The following CEP112 variants were observed in gnomAD, a reference collection of about 807,000 sequenced individuals.
CEP112 encodes the protein centrosomal protein of 112 kDa.
In CEP112, 127 loss-of-function variants were observed where a neutral mutation model predicts 153.0. That is an observed-to-expected ratio of 0.83 (90% CI 0.72 to 0.96). The LOEUF (loss-of-function observed/expected upper bound fraction) is 0.96, where lower values mean the gene tolerates loss of function less well. Among genes scored for constraint, CEP112 ranks in the 40% least tolerant of loss-of-function variants. CEP112 has a pLI of 0.00. For synonymous variants in CEP112, 358 were observed against 374.4 expected (o/e 0.96, Z 0.51); for missense variants, 1,089 against 1,101.2 (o/e 0.99, Z 0.16).
At chr17:66,079,797 G>A (rs2146161199) in intron 8 of CEP112, among the ~76,000 whole-genome samples, 1 of 152,172 alleles carries the variant, frequency 6.6e-6, no homozygotes, top group South Asian at 2.1e-4. Flanking sequence ...CATGTTCCTG[G>A]TACCAAAACA....
intron 24 of CEP112, among the ~76,000 whole-genome samples, chr17:65,678,356 A>G (rs1416000803): frequency 6.6e-6 from 1 of 152,036 alleles, no homozygotes; most frequent in Non-Finnish European, 1.5e-5. Context: ...TTGCCCACCA[A>G]TTTTAAAAGG....
At position 66,077,320 on chromosome 17, in the gene CEP112, G is replaced by A. The variant is rs188084276; in HGVS notation, c.769-7319C>T. ...CCAAAAAAACGATACAAGAAGTGAAGGGAGAAATATTTAAGGAAATAGATA... is the reference window on the plus strand; with the variant it reads ...CCAAAAAAACGATACAAGAAGTGAAAGGAGAAATATTTAAGGAAATAGATA... On this transcript the variant is annotated intron_variant, in intron 8 of 26. Coordinates refer to ENST00000535342, the MANE Select transcript of CEP112 (RefSeq NM_001199165.4). Among the ~76,000 whole-genome samples, 176 of 152,162 alleles carry A rather than the reference G, an allele frequency of 1.2e-3. 1 individual carries two copies. Among genetic ancestry groups the A allele is most frequent in the African/African-American group, 3.9e-3 (164 of 41,532 alleles).
intron 8 of CEP112, among the ~76,000 whole-genome samples, chr17:66,093,836 A>G (rs1439874063): frequency 6.6e-6 from 1 of 152,172 alleles, no homozygotes; most frequent in Non-Finnish European, 1.5e-5. Flanking sequence ...CCTAAAATTT[A>G]TATGAAACTA....
intron 24 of CEP112, among the ~76,000 whole-genome samples, chr17:65,658,557 G>A (rs1447057922): frequency 1.3e-5 from 2 of 152,166 alleles, no homozygotes; most frequent in Non-Finnish European, 2.9e-5. Flanking sequence ...CAGGACACAA[G>A]GTATGTTTGG....
chr17:65,893,899 G>T (rs142765131), intron 20 of CEP112, among the ~76,000 whole-genome samples: 138 of 152,104 alleles, frequency 9.1e-4, no homozygotes, highest in African/African-American at 2.9e-3. Context: ...GCTTCAATTT[G>T]CCAGCTCTTT....
chr17:66,066,961 A>G lies in CEP112; in HGVS notation c.856-84T>C, dbSNP rs567751324. 4 of 854,744 alleles carry G rather than the reference A, an allele frequency of 4.7e-6. No individual in the cohort carries two copies. The South Asian group carries it at 9.2e-5, about 20-fold the overall frequency. The allele number at this position is 854,744 out of a possible 1,614,324, so 52.9% of individuals were successfully genotyped here. ...TTTGAATCCTGATATATTTAATTCT[A>G]AAACATAAATAGAAAAAGTGATTTT... On this transcript the variant is annotated intron_variant, in intron 9 of 26. Coordinates refer to ENST00000535342, the MANE Select transcript of CEP112 (RefSeq NM_001199165.4).
intron 21 of CEP112, among the ~76,000 whole-genome samples, chr17:65,822,249 T>C (rs1056563678): frequency 1.3e-5 from 2 of 151,838 alleles, no homozygotes; most frequent in African/African-American, 4.8e-5. Context: ...ATATTGTTGT[T>C]ATAAAAAAAA....
At position 65,906,273 on chromosome 17, in the gene CEP112, T is replaced by C. The variant is rs553170061; in HGVS notation, c.1981-3939A>G. On this transcript the variant is annotated intron_variant, in intron 19 of 26. Transcript: ENST00000535342. ...CACACACAGGGGCCTGTCGGGGGGG[T>C]AGGGGACTAGGGGAGGGATAGCATT... 3.5e-3 allele frequency among the ~76,000 whole-genome samples: 442 copies of C among 127,954 alleles called. 4 individuals carry two copies. Among genetic ancestry groups the C allele is most frequent in the Non-Finnish European group, 5.3e-3 (317 of 60,278 alleles). 83.9% of individuals were successfully genotyped at this position (127,954 alleles called of 152,430 possible). A position where few individuals can be genotyped will look rare whatever the true frequency, so the allele number is the denominator to read the frequency against.
intron 6 of CEP112, among the ~76,000 whole-genome samples, chr17:66,101,689 T>C (rs1173039710): frequency 1.3e-5 from 2 of 152,156 alleles, no homozygotes; most frequent in East Asian, 3.8e-4. Flanking sequence ...AATTATCTTA[T>C]ATTTTGATTT....
At chr17:65,653,464 G>T (rs1598206184) in intron 24 of CEP112, among the ~76,000 whole-genome samples, 1 of 152,290 alleles carries the variant, frequency 6.6e-6, no homozygotes, top group East Asian at 1.9e-4. Context: ...GGGGGCAGGA[G>T]GAGGGGAGGG....
intron 19 of CEP112, among the ~76,000 whole-genome samples, chr17:65,914,969 C>T (rs1003638398): frequency 3.3e-5 from 5 of 152,144 alleles, no homozygotes; most frequent in Non-Finnish European, 5.9e-5. Flanking sequence ...AGTTCTCAGT[C>T]CCCATCTAAC....
chr17:65,891,369 A>T (rs2059459596), intron 20 of CEP112, among the ~76,000 whole-genome samples: 1 of 152,076 alleles, frequency 6.6e-6, no homozygotes, highest in Non-Finnish European at 1.5e-5. Context: ...TGTCTGACAC[A>T]CTTCCCTCTG....
Position 65,654,962 on chromosome 17 carries a change from G to T in CEP112, c.2698-13897C>A, listed in dbSNP as rs1013119175. On this transcript the variant is annotated intron_variant, in intron 24 of 26. Coordinates refer to ENST00000535342, the MANE Select transcript of CEP112 (RefSeq NM_001199165.4). Reference sequence around the variant, plus strand: ...TAAAGCACAAATTATTGCGGAAGCCGGGCCAATAGTGATTGGCAAAGGGAA... The same window carrying T: ...TAAAGCACAAATTATTGCGGAAGCCTGGCCAATAGTGATTGGCAAAGGGAA... 6 of 674,924 alleles carry T rather than the reference G, an allele frequency of 8.9e-6. No individual in the cohort carries two copies. In the East Asian group the frequency reaches 2.4e-4, roughly 27 times the overall value. The allele number at this position is 674,924 out of a possible 1,614,324, so 41.8% of individuals were successfully genotyped here.
At chr17:66,021,495 G>A (rs1305138070) in intron 16 of CEP112, among the ~76,000 whole-genome samples, 1 of 152,192 alleles carries the variant, frequency 6.6e-6, no homozygotes, top group African/African-American at 2.4e-5. Flanking sequence ...TAAAAAAACT[G>A]CACGTAACAT....
chr17:66,070,701 A>G (rs965526246), intron 8 of CEP112, among the ~76,000 whole-genome samples: 4 of 152,214 alleles, frequency 2.6e-5, no homozygotes, highest in African/African-American at 7.2e-5. Flanking sequence ...TAAAAGAGCA[A>G]TAGTGACAGG....
chr17:66,056,582 A>G lies in CEP112; in HGVS notation c.1075-2703T>C, dbSNP rs1174449395. 2.0e-5 allele frequency among the ~76,000 whole-genome samples: 3 copies of G among 152,216 alleles called. No individual in the cohort carries two copies. In the East Asian group the frequency reaches 5.8e-4, roughly 29 times the overall value. ...ACTGATTGAACTATTGATTCATGCT[A>G]CAGTGAGGGTGAAACTTAAAAACAT... is the stretch of plus-strand genomic sequence containing the variant. On this transcript the variant is annotated intron_variant, in intron 11 of 26. Coordinates refer to ENST00000535342, the MANE Select transcript of CEP112 (RefSeq NM_001199165.4).
chr17:65,769,653 A>T (rs1267818703), intron 21 of CEP112, among the ~76,000 whole-genome samples: 4 of 152,110 alleles, frequency 2.6e-5, no homozygotes, highest in Admixed American at 2.6e-4. Context: ...CAACAAGAAA[A>T]CACAGTGAGG....
chr17:66,163,896 T>C (rs569580605), intron 4 of CEP112, among the ~76,000 whole-genome samples: 57 of 152,282 alleles, frequency 3.7e-4, no homozygotes, highest in South Asian at 2.7e-3. Flanking sequence ...TTAAAAGATG[T>C]CATTACAAAG....
chr17:65,691,666 G>GC (rs1005991334), intron 23 of CEP112, among the ~76,000 whole-genome samples: 7 of 152,166 alleles, frequency 4.6e-5, no homozygotes, highest in African/African-American at 1.7e-4. Flanking sequence ...AAGGATGAAT[G>GC]CAATAGTTCC....
Sources: gnomAD v4.1 joint callset for allele counts (sites outside exome capture counted in the v4.1 genomes callset) on GRCh38, gnomAD v4.1.1 for gene constraint, MANE v1.5 for transcripts, NCBI Gene and HGNC (gene_info 2026-07-23, HGNC 2026-07-21) for gene names.